Variants in NKAIN3 observed in about 807,000 individuals in gnomAD.
NKAIN3 encodes sodium/potassium-transporting ATPase subunit beta-1-interacting protein 3.
Under a neutral mutation model 30.2 loss-of-function variants are expected in NKAIN3, and 25 were observed. The ratio of observed to expected loss-of-function variants is 0.83; its 90% CI spans 0.60 to 1.16. The LOEUF is 1.16. Among genes scored for constraint, NKAIN3 ranks in the 50% most tolerant of loss-of-function variants. The pLI is 0.00. For missense variants in NKAIN3, 225 were observed against 254.1 expected (o/e 0.89, Z 0.78); for synonymous variants, 91 against 89.6 (o/e 1.02, Z -0.09).
intron 5 of NKAIN3, among the ~76,000 whole-genome samples, chr8:62,927,880 A>G (rs1363613514): frequency 3.9e-5 from 6 of 152,250 alleles, no homozygotes; most frequent in Admixed American, 3.9e-4. Flanking sequence ...AGAGATGTTT[A>G]TCCTTTTAAA....
At chr8:62,762,180 G>A (rs1231455776) in intron 4 of NKAIN3, among the ~76,000 whole-genome samples, 1 of 152,090 alleles carries the variant, frequency 6.6e-6, no homozygotes, top group Non-Finnish European at 1.5e-5. Context: ...GCCAGGCATG[G>A]TGGTGGGCAC....
intron 4 of NKAIN3, among the ~76,000 whole-genome samples, chr8:62,804,109 T>A (rs780911314): frequency 5.3e-5 from 8 of 152,068 alleles, no homozygotes; most frequent in Non-Finnish European, 1.0e-4. Context: ...TCTGAAATTG[T>A]GGCAATAATC....
chr8:62,824,706 T>TCTCC (rs1818965236), intron 4 of NKAIN3, among the ~76,000 whole-genome samples: 2 of 152,182 alleles, frequency 1.3e-5, no homozygotes, highest in South Asian at 4.1e-4. Context: ...CTCTCCACTA[T>TCTCC]ATTTCACCTA....
intron 3 of NKAIN3, among the ~76,000 whole-genome samples, chr8:62,685,895 T>G (rs1277732901): frequency 1.3e-5 from 2 of 152,214 alleles, no homozygotes. Flanking sequence ...CTTCCTGTTT[T>G]CTCTCTCCAA....
chr8:62,590,032 T>A (rs1176732290), intron 3 of NKAIN3, among the ~76,000 whole-genome samples: 3 of 151,636 alleles, frequency 2.0e-5, no homozygotes, highest in African/African-American at 7.3e-5. Context: ...GTTTAGTTTG[T>A]TATACTGAAG....
downstream of NKAIN3, among the ~76,000 whole-genome samples, chr8:62,986,222 C>G (rs1051955283): frequency 6.6e-6 from 1 of 152,202 alleles, no homozygotes; most frequent in African/African-American, 2.4e-5. Context: ...GGAGATTCAT[C>G]TCTTATCTAT....
intron 3 of NKAIN3, among the ~76,000 whole-genome samples, chr8:62,657,763 T>C (rs1563503490): frequency 6.6e-6 from 1 of 152,174 alleles, no homozygotes; most frequent in African/African-American, 2.4e-5. Flanking sequence ...AGAAAAAGCC[T>C]GCACCACGAA....
intron 1 of NKAIN3, among the ~76,000 whole-genome samples, chr8:62,339,031 C>A (rs903341270): frequency 2.0e-5 from 3 of 151,982 alleles, no homozygotes; most frequent in Non-Finnish European, 4.4e-5. Flanking sequence ...GAGAGAGGCT[C>A]TCTGCTCTGA....
intron 1 of NKAIN3, among the ~76,000 whole-genome samples, chr8:62,357,578 A>AT (rs958460672): frequency 1.5e-4 from 23 of 152,046 alleles, no homozygotes; most frequent in African/African-American, 4.3e-4. Flanking sequence ...CCTAAATGAA[A>AT]TTTTTTTTGT....
At chr8:62,989,868 G>A (rs1824284402), downstream of NKAIN3, among the ~76,000 whole-genome samples, 1 of 152,110 alleles carries the variant, frequency 6.6e-6, no homozygotes, top group African/African-American at 2.4e-5. Context: ...TGAATTCTCT[G>A]AGTGCTTTGT....
At chr8:62,661,188 C>G (rs1410316104) in intron 3 of NKAIN3, among the ~76,000 whole-genome samples, 1 of 152,200 alleles carries the variant, frequency 6.6e-6, no homozygotes, top group Non-Finnish European at 1.5e-5. Context: ...TGGGTCAGCA[C>G]TCATGCCATG....
At chr8:62,898,967 AC>A (rs34540597) in intron 4 of NKAIN3, among the ~76,000 whole-genome samples, 117,709 of 152,146 alleles carry the variant, frequency 0.77, 46,393 homozygotes, top group East Asian at 0.98. Context: ...CGGGAAATAG[AC>A]ATATGAAAAA....
rs113927387 is a variant in NKAIN3, at chr8:62,882,521, T to G, written c.472-35932T>G. Among the ~76,000 whole-genome samples, 711 of 152,172 alleles carry G rather than the reference T, an allele frequency of 4.7e-3. 2 individuals carry two copies. The highest frequency in any genetic ancestry group is 5.6e-3 in the Non-Finnish European group (384 of 68,006). ...TTAGTAGAGACAGGGTTTCACCATATTGGCCAGGCTGGTCTCGAACTCTTT... is the reference window on the plus strand; with the variant it reads ...TTAGTAGAGACAGGGTTTCACCATAGTGGCCAGGCTGGTCTCGAACTCTTT... On this transcript the variant is annotated intron_variant, in intron 4 of 6. Transcript: ENST00000623646.
intron 4 of NKAIN3, among the ~76,000 whole-genome samples, chr8:62,787,563 T>G (rs1228784358): frequency 3.9e-5 from 6 of 152,220 alleles, no homozygotes; most frequent in Non-Finnish European, 7.3e-5. Flanking sequence ...ACTTTTAGGG[T>G]ACATATGCAC....
At chr8:62,761,345 G>T (rs1816656047) in intron 4 of NKAIN3, among the ~76,000 whole-genome samples, 1 of 152,028 alleles carries the variant, frequency 6.6e-6, no homozygotes, top group Non-Finnish European at 1.5e-5. Flanking sequence ...GGAGGTGGGG[G>T]AGGACGGGGG....
chr8:62,592,131 G>T (rs1279460055), intron 3 of NKAIN3, among the ~76,000 whole-genome samples: 1 of 151,962 alleles, frequency 6.6e-6, no homozygotes, highest in African/African-American at 2.4e-5. Context: ...CCTCTCTGTG[G>T]ATTGGGGTGT....
chr8:62,491,012 C>A (rs1807051431), intron 1 of NKAIN3, among the ~76,000 whole-genome samples: 1 of 152,140 alleles, frequency 6.6e-6, no homozygotes, highest in South Asian at 2.1e-4. Context: ...ATTTTCTGAT[C>A]ATCTTAGTAA....
At chr8:62,458,223 T>C (rs1805879027) in intron 1 of NKAIN3, among the ~76,000 whole-genome samples, 1 of 152,150 alleles carries the variant, frequency 6.6e-6, no homozygotes, top group Non-Finnish European at 1.5e-5. Flanking sequence ...CCCTATGACT[T>C]CATTGCTTAC....
At chr8:62,249,436 T>C (rs1424441712) in intron 1 of NKAIN3, among the ~76,000 whole-genome samples, 2 of 152,206 alleles carry the variant, frequency 1.3e-5, no homozygotes, top group African/African-American at 4.8e-5. Flanking sequence ...TGAGGGATTT[T>C]CCCGCCCCTT....
Sources: gnomAD v4.1 joint callset for allele counts (sites outside exome capture counted in the v4.1 genomes callset) on GRCh38, gnomAD v4.1.1 for gene constraint, MANE v1.5 for transcripts, NCBI Gene and HGNC (gene_info 2026-07-23, HGNC 2026-07-21) for gene names.